Variants in BCL9L observed in about 807,000 individuals in gnomAD.
The protein encoded by BCL9L is BCL9 like.
Under a neutral mutation model 99.4 loss-of-function variants are expected in BCL9L, and 19 were observed. The ratio of observed to expected loss-of-function variants is 0.19; its 90% CI spans 0.13 to 0.28. The LOEUF (loss-of-function observed/expected upper bound fraction) is 0.28, where lower values mean the gene tolerates loss of function less well. Among genes scored for constraint, BCL9L ranks in the 10% least tolerant of loss-of-function variants. The probability of loss-of-function intolerance (pLI) is 1.00; values close to 1 mark genes in which losing one functional copy is unlikely to be tolerated. For synonymous variants in BCL9L, 900 were observed against 854.8 expected (o/e 1.05, Z -0.92); for missense variants, 2,023 against 2,101.6 (o/e 0.96, Z 0.73).
chr11:118,909,809 G>C, intron 3 of BCL9L, 105 bp downstream of exon 3: 1 of 1,570,408 alleles, frequency 6.4e-7, no homozygotes, highest in South Asian at 1.1e-5. Flanking sequence ...AGGTGCCCAG[G>C]GCGGCTCCTC....
At position 118,902,885 on chromosome 11, in the gene BCL9L, T is replaced by G. The variant is rs1304455446; in HGVS notation, c.858A>C (p.Pro286=). 3.8e-6 allele frequency: 6 copies of G among 1,562,840 alleles called. No individual in the cohort carries two copies. In the African/African-American group the frequency reaches 5.4e-5, roughly 14 times the overall value. The change falls in exon 8 of 10, where the codon CCA becomes CCC. Residue 286 remains proline, a synonymous_variant. Transcript: ENST00000683865. This position sits in a 1 kb window ranked among gnomAD's most constrained non-coding sequence, Gnocchi z 7.8. ...LDQAPKVPPT[P]EPLPLSTPSA... ...ACGGCGTGCTCAGGGGTAGCGGTTC[T>G]GGGGTGGGGGGCACTTTAGGGGCCT... is the stretch of plus-strand genomic sequence containing the variant.
rs113090833 is a variant in BCL9L, at chr11:118,900,209, G to A, written c.3125-11C>T. 122 of 1,581,568 alleles carry A rather than the reference G, an allele frequency of 7.7e-5. No homozygotes were observed. The African/African-American group carries it at 1.3e-3, about 16-fold the overall frequency. ...TAGGCGGGAGGGTACCTACAGAAAC[G>A]GGGAGACAAAGAGAGCAGGGGTGAC... On this transcript the variant is annotated splice_polypyrimidine_tract_variant and intron_variant, in intron 8 of 9. Coordinates refer to ENST00000683865, the MANE Select transcript of BCL9L (RefSeq NM_001378213.1). The surrounding 1 kb of genome is among the most constrained non-coding windows in gnomAD (Gnocchi z 5.3).
chr11:118,901,457 G>A lies in BCL9L; in HGVS notation c.2286C>T (p.Asp762=). The A allele has an allele frequency of 6.2e-7, 1 of 1,614,076 alleles. No individual in the cohort carries two copies. The highest frequency in any genetic ancestry group is 8.5e-7 in the Non-Finnish European group (1 of 1,179,982). ...PMGQSGLREV[D]PPMGPGNLNM... is the part of the protein sequence containing the mutation. ...TGAGGTTGCCTGGCCCCATGGGTGG[G>A]TCCACCTCCCTCAGCCCAGACTGCC... is the stretch of plus-strand genomic sequence containing the variant. Residue 762 remains aspartate, a synonymous_variant, in exon 8 of 10, where the codon GAC becomes GAT. Transcript: ENST00000683865. This position sits in a 1 kb window ranked among gnomAD's most constrained non-coding sequence, Gnocchi z 6.6.
intron 1 of BCL9L, among the ~76,000 whole-genome samples, chr11:118,919,102 CT>C (rs1941064096): frequency 7.9e-5 from 2 of 25,268 alleles, no homozygotes; most frequent in Non-Finnish European, 1.6e-4. Context: ...AGCTGCACCG[CT>C]GCCCCCCCCC....
chr11:118,898,322 C>CAA lies in BCL9L; in HGVS notation c.*92_*93insTT. The CAA allele has an allele frequency of 8.4e-7, 1 of 1,187,932 alleles. No individual in the cohort carries two copies. 73.6% of individuals were successfully genotyped at this position (1,187,932 alleles called of 1,614,324 possible). ...CCCTCCCACCCCCTCCACCCCACCC[C>CAA]GCGACCCAGGCCATCCCAACATTGA... is the stretch of plus-strand genomic sequence containing the variant. On this transcript the variant is annotated 3_prime_UTR_variant, in exon 10 of 10. Transcript: ENST00000683865.
chr11:118,913,644 G>A (rs746873268), intron 2 of BCL9L, among the ~76,000 whole-genome samples: 5 of 152,000 alleles, frequency 3.3e-5, no homozygotes, highest in Non-Finnish European at 7.4e-5. Context: ...TCTGGGCCAG[G>A]CACAAACAAC....
rs374712866 is a variant in BCL9L, at chr11:118,903,289, G to A, written c.696C>T (p.Pro232=). The A allele has an allele frequency of 1.5e-5, 24 of 1,580,376 alleles. No individual in the cohort carries two copies. The highest frequency in any genetic ancestry group is 9.1e-5 in the East Asian group (4 of 43,766). The change falls in exon 6 of 10, where the codon CCC becomes CCT. Residue 232 remains proline (P), a synonymous_variant. Transcript: ENST00000683865. The surrounding 1 kb of genome is among the most constrained non-coding windows in gnomAD (Gnocchi z 5.6). The part of the protein sequence containing the change: ...PGGGGGGGGV[P]GKPPSQFVYV... ...ATACGAACTGCGAGGGAGGCTTTCC[G>A]GGGACGCCCCCGCCCCCGCCCCCGC...
At chr11:118,923,839 C>T (rs1941212547) in intron 1 of BCL9L, among the ~76,000 whole-genome samples, 1 of 152,196 alleles carries the variant, frequency 6.6e-6, no homozygotes, top group Non-Finnish European at 1.5e-5. Flanking sequence ...TTCCTGGCAC[C>T]AGCCTCCCAG....
At chr11:118,909,052 T>C (rs1030166548) in intron 3 of BCL9L, among the ~76,000 whole-genome samples, 23 of 152,174 alleles carry the variant, frequency 1.5e-4, no homozygotes, top group African/African-American at 5.3e-4. Context: ...CCTTCCAAGG[T>C]CTCAAACCTC....
At chr11:118,910,255 G>T in intron 2 of BCL9L, 1 of 378,040 alleles carries the variant, frequency 2.6e-6, no homozygotes, top group Non-Finnish European at 5.0e-6. Flanking sequence ...CCGACGGGCG[G>T]CAGAGACAGA....
chr11:118,918,174 C>G (rs1044928125), intron 2 of BCL9L, among the ~76,000 whole-genome samples: 1 of 152,198 alleles, frequency 6.6e-6, no homozygotes, highest in African/African-American at 2.4e-5. Context: ...CCAGCTTTCC[C>G]TAGTCGAACC....
chr11:118,916,036 C>A (rs543057792), intron 2 of BCL9L, among the ~76,000 whole-genome samples: 33 of 152,328 alleles, frequency 2.2e-4, no homozygotes, highest in African/African-American at 7.5e-4. Context: ...CCCAGAGCCC[C>A]AGCCCGATCC....
chr11:118,899,404 G>A lies in BCL9L; in HGVS notation c.3511C>T (p.Pro1171Ser), dbSNP rs1591974911. 6.3e-7 allele frequency: 1 copy of A among 1,589,638 alleles called. No individual in the cohort carries two copies. Among genetic ancestry groups the A allele is most frequent in the Non-Finnish European group, 8.5e-7 (1 of 1,169,930 alleles). The change falls in exon 10 of 10, where the codon CCG becomes TCG. Residue 1171 changes from proline (P) to serine (S), a missense_variant. Pro to Ser is a moderately conservative substitution (Grantham distance 74, BLOSUM62 -1). Coordinates refer to ENST00000683865, the MANE Select transcript of BCL9L (RefSeq NM_001378213.1). Reference protein sequence around the residue: ...PGQQPLSHEPPPAMLPSPTPL... With the variant: ...PGQQPLSHEPSPAMLPSPTPL... ...GTGGGGGAGGGCAGCATGGCGGGCG[G>A]GGGCTCATGGGACAGGGGCTGCTGG... is the stretch of plus-strand genomic sequence containing the variant.
chr11:118,915,926 G>C (rs1452666142), intron 2 of BCL9L, among the ~76,000 whole-genome samples: 1 of 152,176 alleles, frequency 6.6e-6, no homozygotes, highest in Non-Finnish European at 1.5e-5. Context: ...GGTTAACAAG[G>C]CCCTAAAAAT....
intron 9 of BCL9L, 94 bp from the exon 10 acceptor site, chr11:118,899,602 G>A (rs1940114822): frequency 5.4e-6 from 8 of 1,484,544 alleles, no homozygotes; most frequent in Non-Finnish European, 7.3e-6. Flanking sequence ...GCCAGGGGGT[G>A]CCAGAGGTCA....
At chr11:118,918,305 G>C (rs917563115) in intron 2 of BCL9L, among the ~76,000 whole-genome samples, 3 of 152,130 alleles carry the variant, frequency 2.0e-5, no homozygotes, top group Non-Finnish European at 4.4e-5. Flanking sequence ...GTGTCTGTGT[G>C]TGTACACGCA....
intron 3 of BCL9L, 103 bp from the exon 4 acceptor site, chr11:118,908,758 T>G (rs1591990658): frequency 1.1e-6 from 1 of 918,858 alleles, no homozygotes; most frequent in Non-Finnish European, 1.6e-6. Context: ...TGGGGGAGGG[T>G]GGGGGGAAGG....
Position 118,901,393 on chromosome 11 carries a change from GGTTCAT to G in BCL9L, c.2344_2349del (p.Met782_Asn783del), listed in dbSNP as rs763019461. ...TGCTGCGGGGTCATCTGCACGTTCA[GGTTCAT>G]GTTCATGTTCATGTTGACATTCATG... On this transcript the variant is annotated inframe_deletion, in exon 8 of 10. Transcript: ENST00000683865. The surrounding 1 kb of genome is among the most constrained non-coding windows in gnomAD (Gnocchi z 6.6). 56 of 1,613,856 alleles carry G rather than the reference GGTTCAT, an allele frequency of 3.5e-5. No individual in the cohort carries two copies. In the Admixed American group the frequency reaches 6.5e-4, roughly 19 times the overall value.
rs566571676 is a variant in BCL9L at position 118,899,381 on chromosome 11, G to A, written c.3534C>T (p.Pro1178=). 1.8e-5 allele frequency: 28 copies of A among 1,583,960 alleles called. No homozygotes were observed. Among genetic ancestry groups the A allele is most frequent in the African/African-American group, 9.4e-5 (7 of 74,600 alleles). ...HEPPPAMLPS[P]TPLGSNIPLH... ...GTGGAATGTTGGAGCCCAGAGGGGT[G>A]GGGGAGGGCAGCATGGCGGGCGGGG... The change falls in exon 10 of 10, where the codon CCC becomes CCT. Residue 1178 remains proline, a synonymous_variant. Transcript: ENST00000683865.
Sources: allele counts gnomAD v4.1 joint callset (sites outside exome capture counted in the v4.1 genomes callset), GRCh38; gene constraint gnomAD v4.1.1; non-coding constraint Gnocchi (gnomAD v3.1); transcripts MANE v1.5; gene names NCBI Gene and HGNC (gene_info 2026-07-23, HGNC 2026-07-21).